BRD3: variants seen among roughly 807,000 people sequenced by gnomAD.
BRD3 encodes the protein bromodomain-containing protein 3.
Under a neutral mutation model 66.8 loss-of-function variants are expected in BRD3, and 17 were observed. The observed-to-expected ratio is 0.25, with a 90% confidence interval of 0.17 to 0.38. The LOEUF (loss-of-function observed/expected upper bound fraction) is 0.38, where lower values mean the gene tolerates loss of function less well. BRD3 is among the 10% of genes least tolerant of loss of function. The pLI, the probability that BRD3 is intolerant of heterozygous loss-of-function variation, is 1.00. For synonymous variants in BRD3, 421 were observed against 393.2 expected, an observed-to-expected ratio of 1.07 and a Z score of -0.84; for missense variants, 713 against 956.1, an observed-to-expected ratio of 0.75 and a Z score of 3.35.
Position 134,048,254 on chromosome 9 carries a change from C to T in BRD3, c.915G>A (p.Lys305=), listed in dbSNP as rs200876755. The T allele has an allele frequency of 1.9e-5, 31 of 1,611,254 alleles. No individual in the cohort carries two copies. The highest frequency in any genetic ancestry group is 2.6e-5 in the Non-Finnish European group (31 of 1,179,334). The change falls in exon 6 of 12, where the codon AAG becomes AAA. Residue 305 remains lysine (K), a synonymous_variant. Transcript: ENST00000303407. The part of the protein sequence containing the change: ...DGEVPQHAGK[K]GKLSEHLRYC... ...AGCGTAGGTGCTCCGACAGCTTGCCCTTCTTGCCTGCGTGCTGGGGCACCT... is the reference window on the plus strand; with the variant it reads ...AGCGTAGGTGCTCCGACAGCTTGCCTTTCTTGCCTGCGTGCTGGGGCACCT...
intron 11 of BRD3, 40 bp downstream of exon 11, chr9:134,034,661 C>T: frequency 6.3e-7 from 1 of 1,598,254 alleles, no homozygotes; most frequent in Non-Finnish European, 8.5e-7. Context: ...ACACCCCCCA[C>T]CCCCCTAAAG....
intron 7 of BRD3, among the ~76,000 whole-genome samples, chr9:134,042,975 G>T (rs1162222025): frequency 2.0e-5 from 3 of 152,042 alleles, no homozygotes; most frequent in Non-Finnish European, 4.4e-5. Context: ...GAGTAGCTGG[G>T]ATCACAGGCA....
rs1174164876 is a variant in BRD3 at position 134,031,660 on chromosome 9, T to C, written c.*1930A>G. 9.3e-6 allele frequency: 2 copies of C among 214,286 alleles called. No individual in the cohort carries two copies. Among genetic ancestry groups the C allele is most frequent in the Non-Finnish European group, 1.9e-5 (2 of 106,096 alleles). The allele number at this position is 214,286 out of a possible 1,614,324, so 13.3% of individuals were successfully genotyped here. A position where few individuals can be genotyped will look rare whatever the true frequency, so the allele number is the denominator to read the frequency against. Reference sequence around the variant, plus strand: ...ATTTACCAGCATCTCCTCATCAGAGTTCCCTCTCCAGTAAGGGTATACCTA... The same window carrying C: ...ATTTACCAGCATCTCCTCATCAGAGCTCCCTCTCCAGTAAGGGTATACCTA... On this transcript the variant is annotated 3_prime_UTR_variant, in exon 12 of 12. Coordinates refer to ENST00000303407, the MANE Select transcript of BRD3 (RefSeq NM_007371.4).
In BRD3 at chr9:134,036,024, C is replaced by G. The variant is rs533568305; in HGVS notation, c.1936+8G>C. On this transcript the variant is annotated splice_region_variant and intron_variant, in intron 10 of 11. Coordinates refer to ENST00000303407, the MANE Select transcript of BRD3 (RefSeq NM_007371.4). ...CTTCAAGCACCACGCTCCACGCAGG[C>G]AACTTACAGAACGGTTTCCTTTGCT... 3 of 1,586,072 alleles carry G rather than the reference C, an allele frequency of 1.9e-6. No homozygotes were observed. Among genetic ancestry groups the G allele is most frequent in the Non-Finnish European group, 2.6e-6 (3 of 1,164,168 alleles).
chr9:134,046,958 G>T (rs1830184030), intron 6 of BRD3, among the ~76,000 whole-genome samples: 1 of 152,356 alleles, frequency 6.6e-6, no homozygotes, highest in African/African-American at 2.4e-5. Flanking sequence ...AGAAATTCCT[G>T]TTAACTGTGC....
At chr9:134,063,971 G>T (rs183753859) in intron 1 of BRD3, among the ~76,000 whole-genome samples, 1 of 152,152 alleles carries the variant, frequency 6.6e-6, no homozygotes, top group African/African-American at 2.4e-5. Flanking sequence ...GGCAAGGAGG[G>T]GGGCGGGGGC....
In BRD3 at chr9:134,033,413, C is replaced by T. The variant is rs191946819; in HGVS notation, c.*177G>A. The stretch of plus-strand genomic sequence containing the variant: ...GTTCACACCTTCTCATCAAGTCTAA[C>T]GCACACACAAGATAGATCTCTGACC... On this transcript the variant is annotated 3_prime_UTR_variant, in exon 12 of 12. Transcript: ENST00000303407. The surrounding 1 kb of genome is among the most constrained non-coding windows in gnomAD (Gnocchi z 5.1). The T allele has an allele frequency of 1.7e-5, 9 of 543,118 alleles. No individual in the cohort carries two copies. Among genetic ancestry groups the T allele is most frequent in the Admixed American group, 3.4e-5 (1 of 29,148 alleles). 33.6% of individuals were successfully genotyped at this position (543,118 alleles called of 1,614,324 possible).
Position 134,045,628 on chromosome 9 carries a change from T to G in BRD3, c.1087-207A>C, listed in dbSNP as rs1290863233. ...GGACATGAGAGGGTGACTTGATGGC[T>G]TGGCAGGGAGGGTCTGGGACTCCAG... On this transcript the variant is annotated intron_variant, in intron 6 of 11. Coordinates refer to ENST00000303407, the MANE Select transcript of BRD3 (RefSeq NM_007371.4). The surrounding 1 kb of genome is among the most constrained non-coding windows in gnomAD (Gnocchi z 4.8). Among the ~76,000 whole-genome samples, 1 of 152,132 alleles carries G rather than the reference T, an allele frequency of 6.6e-6. No individual in the cohort carries two copies. The highest frequency in any genetic ancestry group is 1.9e-4 in the East Asian group (1 of 5,166).
chr9:134,037,064 G>C (rs1163357741), intron 9 of BRD3, among the ~76,000 whole-genome samples: 1 of 151,878 alleles, frequency 6.6e-6, no homozygotes, highest in Non-Finnish European at 1.5e-5. Flanking sequence ...CCAACTAAAA[G>C]GAAGAGATGC....
intron 1 of BRD3, among the ~76,000 whole-genome samples, chr9:134,056,215 G>C (rs1293072574): frequency 1.3e-5 from 2 of 152,214 alleles, no homozygotes; most frequent in African/African-American, 4.8e-5. Flanking sequence ...GCTGCACCTG[G>C]TGCCAGCATG....
intron 1 of BRD3, chr9:134,055,847 G>A: frequency 6.6e-6 from 1 of 152,588 alleles, no homozygotes. Context: ...CTCCAAGCAT[G>A]AGGATGGACG....
intron 1 of BRD3, among the ~76,000 whole-genome samples, chr9:134,060,534 G>A (rs1171343213): frequency 1.3e-5 from 2 of 151,758 alleles, no homozygotes; most frequent in Non-Finnish European, 2.9e-5. Flanking sequence ...TGAGGATACA[G>A]TCAGCTGTGA....
Position 134,033,771 on chromosome 9 carries a change from G to A in BRD3, c.2066-66C>T, listed in dbSNP as rs964065803. ...TTCTTGACCCGCTTGGCGGCATGTCGTCCATGCCAGCGTGACACCATCACA... is the reference window on the plus strand; with the variant it reads ...TTCTTGACCCGCTTGGCGGCATGTCATCCATGCCAGCGTGACACCATCACA... On this transcript the variant is annotated intron_variant, in intron 11 of 11. Transcript: ENST00000303407. The surrounding 1 kb of genome is among the most constrained non-coding windows in gnomAD (Gnocchi z 5.1). 4.6e-5 allele frequency: 31 copies of A among 669,764 alleles called. 1 individual carries two copies. The highest frequency in any genetic ancestry group is 2.2e-4 in the South Asian group (14 of 63,788). The allele number at this position is 669,764 out of a possible 1,614,324, so 41.5% of individuals were successfully genotyped here.
intron 9 of BRD3, 119 bp from the exon 10 acceptor site, chr9:134,036,443 A>G: frequency 6.3e-7 from 1 of 1,577,342 alleles, no homozygotes; most frequent in Admixed American, 1.9e-5. Context: ...CTTTCTTCCC[A>G]AAGTGGTGCC....
chr9:134,063,417 G>A (rs916674023), intron 1 of BRD3, among the ~76,000 whole-genome samples: 4 of 152,168 alleles, frequency 2.6e-5, no homozygotes, highest in Non-Finnish European at 4.4e-5. Flanking sequence ...CCCTGGACCC[G>A]CAGGCTCACA....
intron 1 of BRD3, among the ~76,000 whole-genome samples, chr9:134,064,588 T>C (rs925719280): frequency 1.7e-4 from 26 of 152,130 alleles, no homozygotes; most frequent in African/African-American, 5.3e-4. Context: ...TGGCCGAGCA[T>C]GGTGGCTCAC....
intron 1 of BRD3, chr9:134,057,269 C>A (rs1830444268): frequency 6.6e-6 from 1 of 152,250 alleles, no homozygotes; most frequent in African/African-American, 2.4e-5. Context: ...GAGGTTCCAA[C>A]AAGAGAAGGA....
chr9:134,034,295 G>A (rs991250305), intron 11 of BRD3, among the ~76,000 whole-genome samples: 1 of 152,244 alleles, frequency 6.6e-6, no homozygotes, highest in Admixed American at 6.5e-5. Context: ...GCAAAGCGCA[G>A]GGCATGGGGC....
At chr9:134,054,679 C>T (rs1830377791) in intron 1 of BRD3, among the ~76,000 whole-genome samples, 1 of 152,188 alleles carries the variant, frequency 6.6e-6, no homozygotes. Flanking sequence ...GCCCCAGAAC[C>T]GGCCACTTGT....
Sources: allele counts gnomAD v4.1 joint callset (sites outside exome capture counted in the v4.1 genomes callset), GRCh38; gene constraint gnomAD v4.1.1; non-coding constraint Gnocchi (gnomAD v3.1); transcripts MANE v1.5; gene names NCBI Gene and HGNC (gene_info 2026-07-23, HGNC 2026-07-21).